The following PPFIA2 variants were observed in gnomAD, a reference collection of about 807,000 sequenced individuals.
PPFIA2 encodes the protein PPFI scaffold protein A2, also known as liprin-alpha-2.
PPFIA2 carries 46 observed loss-of-function variants against 175.5 expected under a neutral mutation model. The observed-to-expected ratio is 0.26, with a 90% CI of 0.21 to 0.34. The LOEUF is 0.34. Ranked by LOEUF, PPFIA2 falls within the 10% of genes least tolerant of loss-of-function variation. The pLI, the probability that PPFIA2 is intolerant of heterozygous loss-of-function variation, is 1.00. For missense variants in PPFIA2, 1,179 were observed against 1,506.1 expected, an observed-to-expected ratio of 0.78 and a Z score of 3.60; for synonymous variants, 568 against 511.4, an observed-to-expected ratio of 1.11 and a Z score of -1.49.
chr12:81,273,348 C>G (rs1461669976), intron 28 of PPFIA2, among the ~76,000 whole-genome samples: 1 of 151,996 alleles, frequency 6.6e-6, no homozygotes, highest in East Asian at 1.9e-4. Flanking sequence ...CCCTGCTTCT[C>G]TGTTAGATAG....
intron 11 of PPFIA2, among the ~76,000 whole-genome samples, chr12:81,372,761 G>A (rs544114553): frequency 6.6e-6 from 1 of 151,546 alleles, no homozygotes; most frequent in Non-Finnish European, 1.5e-5. Flanking sequence ...AAAATATGTT[G>A]TTGACAAAGC....
At chr12:81,307,071 G>C (rs571263818) in intron 22 of PPFIA2, among the ~76,000 whole-genome samples, 1 of 152,026 alleles carries the variant, frequency 6.6e-6, no homozygotes, top group Non-Finnish European at 1.5e-5. Flanking sequence ...TAAGTTGATC[G>C]CTACTTTTTC....
intron 3 of PPFIA2, among the ~76,000 whole-genome samples, chr12:81,739,175 T>G (rs1478174564): frequency 1.3e-5 from 2 of 151,994 alleles, no homozygotes; most frequent in Non-Finnish European, 2.9e-5. Flanking sequence ...AACACAGAAC[T>G]TTAGATGTGG....
At chr12:81,605,632 TATCC>T (rs921417539) in intron 4 of PPFIA2, among the ~76,000 whole-genome samples, 1 of 148,738 alleles carries the variant, frequency 6.7e-6, no homozygotes, top group African/African-American at 2.5e-5. Context: ...CCTGTCTGTC[TATCC>T]ATCCATCCAT....
At chr12:81,482,754 G>T (rs1454481044) in intron 4 of PPFIA2, among the ~76,000 whole-genome samples, 1 of 152,158 alleles carries the variant, frequency 6.6e-6, no homozygotes, top group Non-Finnish European at 1.5e-5. Context: ...GGGGATAGGG[G>T]AGGGATAGCA....
rs547611127 is a variant in PPFIA2 at position 81,694,780 on chromosome 12, C to A, written c.250-17936G>T. On this transcript the variant is annotated intron_variant, in intron 3 of 32. Transcript: ENST00000549396. ...GCTTGCAACCTGTGCCTGGAGAAGCCACAGGCATTCAACAACCTGTGAGAG... is the reference window on the plus strand; with the variant it reads ...GCTTGCAACCTGTGCCTGGAGAAGCAACAGGCATTCAACAACCTGTGAGAG... Among the ~76,000 whole-genome samples the A allele has an allele frequency of 9.9e-5, 15 of 152,266 alleles. No homozygotes were observed. The South Asian group carries it at 3.1e-3, about 32-fold the overall frequency.
chr12:81,482,855 G>T (rs1354184659), intron 4 of PPFIA2, among the ~76,000 whole-genome samples: 1 of 151,832 alleles, frequency 6.6e-6, no homozygotes, highest in Non-Finnish European at 1.5e-5. Context: ...AAACCTGCAG[G>T]TTCTGCACAT....
intron 16 of PPFIA2, among the ~76,000 whole-genome samples, chr12:81,353,878 C>T (rs1029433689): frequency 1.3e-5 from 2 of 152,110 alleles, no homozygotes; most frequent in Non-Finnish European, 2.9e-5. Flanking sequence ...AGGGTTAGTT[C>T]CAGCCCACCC....
intron 22 of PPFIA2, among the ~76,000 whole-genome samples, chr12:81,320,668 G>A (rs1483050284): frequency 6.6e-6 from 1 of 151,984 alleles, no homozygotes; most frequent in African/African-American, 2.4e-5. Flanking sequence ...ATGTTACGAG[G>A]CAAGAGAAAA....
chr12:81,691,894 T>G (rs2075286097), intron 3 of PPFIA2, among the ~76,000 whole-genome samples: 1 of 152,116 alleles, frequency 6.6e-6, no homozygotes, highest in Non-Finnish European at 1.5e-5. Context: ...GAAATTGTGA[T>G]AGGAAGACTC....
chr12:81,490,551 G>A (rs1277989058), intron 4 of PPFIA2, among the ~76,000 whole-genome samples: 1 of 151,914 alleles, frequency 6.6e-6, no homozygotes, highest in African/African-American at 2.4e-5. Context: ...TGAAGTTTGT[G>A]TATTTAGCTC....
chr12:81,377,548 A>T (rs1468362381), intron 9 of PPFIA2, among the ~76,000 whole-genome samples: 4 of 150,988 alleles, frequency 2.6e-5, no homozygotes, highest in Non-Finnish European at 5.9e-5. Flanking sequence ...GCAAGACTCC[A>T]TTTCAAGAAA....
At chr12:81,682,382 T>C (rs147186056) in intron 3 of PPFIA2, among the ~76,000 whole-genome samples, 2,313 of 152,166 alleles carry the variant, frequency 0.015, 30 homozygotes, top group South Asian at 0.042. Flanking sequence ...TACATTTATA[T>C]TGTTTAAGTC....
At chr12:81,324,831 G>C (rs889922564) in intron 22 of PPFIA2, among the ~76,000 whole-genome samples, 2 of 151,830 alleles carry the variant, frequency 1.3e-5, no homozygotes, top group African/African-American at 4.8e-5. Context: ...ATAATTTTTA[G>C]TAACTAGCAA....
intron 4 of PPFIA2, among the ~76,000 whole-genome samples, chr12:81,531,285 G>A (rs899386516): frequency 3.0e-4 from 46 of 151,808 alleles, no homozygotes; most frequent in African/African-American, 9.7e-5. Flanking sequence ...CTACATATTC[G>A]AGATGAATGA....
At chr12:81,410,065 C>T (rs893886458) in intron 7 of PPFIA2, among the ~76,000 whole-genome samples, 1 of 152,070 alleles carries the variant, frequency 6.6e-6, no homozygotes, top group Non-Finnish European at 1.5e-5. Context: ...AAGCCTTTTG[C>T]CAGCCACCTT....
intron 7 of PPFIA2, among the ~76,000 whole-genome samples, chr12:81,426,816 A>G (rs1458112635): frequency 6.6e-6 from 1 of 152,094 alleles, no homozygotes; most frequent in Admixed American, 6.6e-5. Flanking sequence ...CTTGTTTAAT[A>G]TGACCTGAGG....
intron 5 of PPFIA2, among the ~76,000 whole-genome samples, chr12:81,457,539 G>C (rs749076300): frequency 6.6e-6 from 1 of 152,104 alleles, no homozygotes; most frequent in Non-Finnish European, 1.5e-5. Flanking sequence ...TGAACATTTT[G>C]TAAAGCAACA....
chr12:81,655,359 TC>T (rs2067622765), intron 4 of PPFIA2, among the ~76,000 whole-genome samples: 1 of 151,672 alleles, frequency 6.6e-6, no homozygotes, highest in South Asian at 2.1e-4. Flanking sequence ...TACTTGTTTT[TC>T]CCTAGGTTCT....
Sources: gnomAD v4.1 joint callset for allele counts (sites outside exome capture counted in the v4.1 genomes callset) on GRCh38, gnomAD v4.1.1 for gene constraint, MANE v1.5 for transcripts, NCBI Gene and HGNC (gene_info 2026-07-23, HGNC 2026-07-21) for gene names.